ADGRV1: variants seen among roughly 807,000 people sequenced by gnomAD.
ADGRV1 encodes G-protein coupled receptor 98.
Under a neutral mutation model 596.2 loss-of-function variants are expected in ADGRV1, and 359 were observed. The observed-to-expected ratio is 0.60, with a 90% CI of 0.55 to 0.66. The LOEUF (loss-of-function observed/expected upper bound fraction) is 0.66, where lower values mean the gene tolerates loss of function less well. Among genes scored for constraint, ADGRV1 ranks in the 30% least tolerant of loss-of-function variants. The probability of loss-of-function intolerance (pLI) is 0.00; values close to 1 mark genes in which losing one functional copy is unlikely to be tolerated. For synonymous variants in ADGRV1, 2,681 were observed against 2,679.2 expected (o/e 1.00, Z -0.02); for missense variants, 7,274 against 7,575.6 (o/e 0.96, Z 1.48).
intron 83 of ADGRV1, among the ~76,000 whole-genome samples, chr5:90,912,255 C>T (rs1772953626): frequency 1.3e-5 from 2 of 151,974 alleles, no homozygotes; most frequent in South Asian, 2.1e-4. Flanking sequence ...AATGCCCCTT[C>T]TAAGGAAGCA....
At chr5:90,867,334 C>T (rs1189899804) in intron 83 of ADGRV1, among the ~76,000 whole-genome samples, 1 of 152,092 alleles carries the variant, frequency 6.6e-6, no homozygotes, top group Non-Finnish European at 1.5e-5. Context: ...AACTAAATAG[C>T]AAATTCATCT....
At chr5:90,573,422 AC>A (rs1756798785) in intron 1 of ADGRV1, among the ~76,000 whole-genome samples, 2 of 152,196 alleles carry the variant, frequency 1.3e-5, no homozygotes, top group African/African-American at 4.8e-5. Flanking sequence ...ATAATGAACC[AC>A]ACAGCTGGGC....
At chr5:90,937,543 C>T (rs1019640816) in intron 83 of ADGRV1, among the ~76,000 whole-genome samples, 6 of 151,378 alleles carry the variant, frequency 4.0e-5, no homozygotes, top group Admixed American at 1.3e-4. Context: ...CTGCAAGCTC[C>T]GCCTCCCGGG....
At chr5:90,722,367 A>AT (rs1459357383) in intron 45 of ADGRV1, among the ~76,000 whole-genome samples, 16 of 151,638 alleles carry the variant, frequency 1.1e-4, no homozygotes, top group Non-Finnish European at 1.9e-4. Context: ...GGTTTAACAC[A>AT]TTTTGAATTT....
At chr5:90,928,460 C>A (rs931758017) in intron 83 of ADGRV1, among the ~76,000 whole-genome samples, 117 of 150,488 alleles carry the variant, frequency 7.8e-4, no homozygotes, top group Admixed American at 2.2e-3. Flanking sequence ...ACGTAGTTCT[C>A]GAGCCTTGGT....
chr5:90,819,665 C>T (rs1325095753), intron 75 of ADGRV1, among the ~76,000 whole-genome samples: 13 of 151,294 alleles, frequency 8.6e-5, no homozygotes, highest in Admixed American at 2.0e-4. Flanking sequence ...GCCTTCATTT[C>T]GTTATGTATC....
At chr5:90,909,026 C>T (rs1242313058) in intron 83 of ADGRV1, among the ~76,000 whole-genome samples, 4 of 152,134 alleles carry the variant, frequency 2.6e-5, no homozygotes, top group Non-Finnish European at 5.9e-5. Flanking sequence ...AGAGGAACAA[C>T]CTCTGAAGAG....
At chr5:90,821,274 T>C (rs1406902024) in intron 75 of ADGRV1, among the ~76,000 whole-genome samples, 3 of 151,228 alleles carry the variant, frequency 2.0e-5, no homozygotes, top group Non-Finnish European at 4.4e-5. Context: ...CATCAGCTCC[T>C]TTAAGCACTT....
At chr5:91,161,413 G>C (rs901625538) in intron 89 of ADGRV1, among the ~76,000 whole-genome samples, 1 of 152,064 alleles carries the variant, frequency 6.6e-6, no homozygotes, top group Non-Finnish European at 1.5e-5. Flanking sequence ...AGGACTGCCT[G>C]GTCCATGGGT....
intron 33 of ADGRV1, 129 bp downstream of exon 33, chr5:90,694,830 A>C: frequency 4.9e-6 from 4 of 823,246 alleles, no homozygotes; most frequent in Non-Finnish European, 7.2e-6. Flanking sequence ...GTTTGGCTTT[A>C]GAAAAAAATA....
chr5:90,862,805 T>G (rs1242891399), intron 82 of ADGRV1, among the ~76,000 whole-genome samples: 1 of 145,182 alleles, frequency 6.9e-6, no homozygotes, highest in Non-Finnish European at 1.5e-5. Flanking sequence ...AAAGAAGTTA[T>G]GAGAAAATGA....
intron 11 of ADGRV1, 62 bp downstream of exon 11, chr5:90,638,010 G>A: frequency 3.4e-6 from 4 of 1,179,042 alleles, no homozygotes; most frequent in Non-Finnish European, 2.4e-6. Context: ...CAATAACTTT[G>A]ATTTTTTTTT....
intron 11 of ADGRV1, among the ~76,000 whole-genome samples, chr5:90,639,693 GT>G: frequency 6.6e-6 from 1 of 152,108 alleles, no homozygotes; most frequent in East Asian, 1.9e-4. Context: ...GTGCATACTT[GT>G]ATTATCTCAT....
chr5:90,674,816 G>C (rs538034349), intron 23 of ADGRV1, among the ~76,000 whole-genome samples: 51 of 152,010 alleles, frequency 3.4e-4, no homozygotes, highest in Non-Finnish European at 3.7e-4. Flanking sequence ...TTCATAGTTA[G>C]GTTTTGTTTG....
chr5:90,961,156 A>G (rs1562003986), intron 83 of ADGRV1, among the ~76,000 whole-genome samples: 1 of 152,106 alleles, frequency 6.6e-6, no homozygotes, highest in Admixed American at 6.6e-5. Flanking sequence ...TAGTCTAGGT[A>G]TCTGCCATGA....
chr5:90,651,614 A>T lies in ADGRV1; in HGVS notation c.3300A>T (p.Val1100=). 6.3e-7 allele frequency: 1 copy of T among 1,577,184 alleles called. No individual in the cohort carries two copies. The highest frequency in any genetic ancestry group is 1.7e-5 in the Admixed American group (1 of 59,442). The change falls in exon 18 of 90, where the codon GTA becomes GTT. Residue 1100 remains valine (V), a synonymous_variant. Coordinates refer to ENST00000405460, the MANE Select transcript of ADGRV1 (RefSeq NM_032119.4). ...CCACTTTTAATTTAGGTGATACAGT[A>T]GTATATCAATATGGAGTAGCTACAG... ...IILLNSTGDT[V]VYQYGVATVI...
chr5:90,976,123 G>C (rs2151013449), intron 84 of ADGRV1, among the ~76,000 whole-genome samples: 1 of 150,602 alleles, frequency 6.6e-6, no homozygotes, highest in Middle Eastern at 3.5e-3. Context: ...AAACACTACT[G>C]TTTTCCTGTG....
At chr5:90,593,373 T>G (rs1315820010) in intron 1 of ADGRV1, among the ~76,000 whole-genome samples, 2 of 152,082 alleles carry the variant, frequency 1.3e-5, no homozygotes, top group East Asian at 3.8e-4. Flanking sequence ...ACACCACATG[T>G]TCTCACTCAT....
At chr5:90,907,919 C>T (rs114113647) in intron 83 of ADGRV1, among the ~76,000 whole-genome samples, 22,811 of 152,020 alleles carry the variant, frequency 0.15, 2,336 homozygotes, top group East Asian at 0.34. Context: ...GGTGCAGTCT[C>T]GGCTTACTGC....
Sources: allele counts gnomAD v4.1 joint callset (sites outside exome capture counted in the v4.1 genomes callset), GRCh38; gene constraint gnomAD v4.1.1; transcripts MANE v1.5; gene names NCBI Gene and HGNC (gene_info 2026-07-23, HGNC 2026-07-21).